The following LRRCC1 variants were observed in gnomAD, a reference collection of about 807,000 sequenced individuals.
LRRCC1 encodes leucine rich repeat and coiled-coil centrosomal protein 1, also known as leucine-rich repeat and coiled-coil domain-containing protein 1.
A neutral mutation model predicts 126.0 loss-of-function variants in LRRCC1; 115 were observed. The ratio of observed to expected loss-of-function variants is 0.91; its 90% CI spans 0.78 to 1.07. LRRCC1 has a LOEUF of 1.07. Among genes scored for constraint, LRRCC1 ranks in the 50% least tolerant of loss-of-function variants. The probability of loss-of-function intolerance (pLI) is 0.00; values close to 1 mark genes in which losing one functional copy is unlikely to be tolerated. For synonymous variants in LRRCC1, 400 were observed against 393.4 expected, an observed-to-expected ratio of 1.02 and a Z score of -0.20; for missense variants, 1,172 against 1,175.7, an observed-to-expected ratio of 1.00 and a Z score of 0.05.
At chr8:85,113,175 G>T in intron 4 of LRRCC1, 76 bp downstream of exon 4, 1 of 1,134,256 alleles carries the variant, frequency 8.8e-7, no homozygotes. Flanking sequence ...ATTGGCATTC[G>T]TGACCTCATT....
intron 12 of LRRCC1, 145 bp downstream of exon 12, chr8:85,132,106 T>G: frequency 1.5e-6 from 1 of 652,670 alleles, no homozygotes; most frequent in Non-Finnish European, 2.5e-6. Flanking sequence ...GGCCTTAGTT[T>G]CCTCAAATAA....
At position 85,113,109 on chromosome 8, in the gene LRRCC1, A is replaced by C. The variant is rs778924650; in HGVS notation, c.544+10A>C. ...GTCTGTCGACTGCCAGGTATGAATAATTAATTTAATATTTTTTCTAACAGT... is the reference window on the plus strand; with the variant it reads ...GTCTGTCGACTGCCAGGTATGAATACTTAATTTAATATTTTTTCTAACAGT... On this transcript the variant is annotated intron_variant, in intron 4 of 18. Coordinates refer to ENST00000360375, the MANE Select transcript of LRRCC1 (RefSeq NM_033402.5). 6.3e-7 allele frequency: 1 copy of C among 1,584,354 alleles called. No individual in the cohort carries two copies. The highest frequency in any genetic ancestry group is 8.6e-7 in the Non-Finnish European group (1 of 1,165,976).
intron 6 of LRRCC1, among the ~76,000 whole-genome samples, chr8:85,119,496 C>CT (rs542722001): frequency 0.059 from 8,001 of 135,860 alleles, 329 homozygotes; most frequent in Non-Finnish European, 0.081. Context: ...TTTTCTAGCA[C>CT]TTTTTTTTTT....
chr8:85,139,712 C>T (rs1811134406), intron 17 of LRRCC1, among the ~76,000 whole-genome samples: 1 of 152,162 alleles, frequency 6.6e-6, no homozygotes, highest in East Asian at 1.9e-4. Flanking sequence ...AAGTTGGAAC[C>T]TTCAGAATTA....
intron 1 of LRRCC1, 53 bp downstream of exon 1, chr8:85,107,452 C>A: frequency 6.9e-7 from 1 of 1,458,856 alleles, no homozygotes; most frequent in Non-Finnish European, 9.4e-7. Context: ...AGAGCCGGGG[C>A]CACGAGTGGC....
chr8:85,141,010 G>C (rs982520861), intron 17 of LRRCC1, among the ~76,000 whole-genome samples: 7 of 152,082 alleles, frequency 4.6e-5, no homozygotes, highest in Non-Finnish European at 8.8e-5. Flanking sequence ...AGGTTGCCTT[G>C]AGCCATGATC....
chr8:85,131,745 T>C lies in LRRCC1; in HGVS notation c.1767-15T>C. On this transcript the variant is annotated splice_polypyrimidine_tract_variant and intron_variant, in intron 11 of 18. Coordinates refer to ENST00000360375, the MANE Select transcript of LRRCC1 (RefSeq NM_033402.5). Reference sequence around the variant, plus strand: ...TGAGTATCATCCTTTTATCTTTATATGTTTTTCACTCCAGGAAGGAACTTG... The same window carrying C: ...TGAGTATCATCCTTTTATCTTTATACGTTTTTCACTCCAGGAAGGAACTTG... 6.3e-7 allele frequency: 1 copy of C among 1,593,356 alleles called. No individual in the cohort carries two copies. The highest frequency in any genetic ancestry group is 1.4e-5 in the African/African-American group (1 of 73,800).
Position 85,113,196 on chromosome 8 carries a change from G to A in LRRCC1, c.544+97G>A, listed in dbSNP as rs150378751. 130 of 853,176 alleles carry A rather than the reference G, an allele frequency of 1.5e-4. No individual in the cohort carries two copies. In the African/African-American group the frequency reaches 1.9e-3, roughly 12 times the overall value. 52.9% of individuals were successfully genotyped at this position (853,176 alleles called of 1,614,324 possible). Reference sequence around the variant, plus strand: ...ATTCGTGACCTCATTTTAGTCTTCAGCTTTGCAACATTTTCTATATTGGGG... The same window carrying A: ...ATTCGTGACCTCATTTTAGTCTTCAACTTTGCAACATTTTCTATATTGGGG... On this transcript the variant is annotated intron_variant, in intron 4 of 18. Transcript: ENST00000360375.
intron 2 of LRRCC1, 61 bp downstream of exon 2, chr8:85,109,861 TCCCC>T: frequency 2.3e-6 from 2 of 855,308 alleles, no homozygotes; most frequent in Non-Finnish European, 3.5e-6. Flanking sequence ...TCCATTTTTT[TCCCC>T]AAAAGAATGG....
rs765581097 is a variant in LRRCC1 at position 85,109,675 on chromosome 8, A to G, written c.185A>G (p.Asp62Gly). The G allele has an allele frequency of 3.1e-6, 5 of 1,610,944 alleles. No individual in the cohort carries two copies. The highest frequency in any genetic ancestry group is 1.1e-5 in the South Asian group (1 of 90,890). The change falls in exon 2 of 19, where the codon GAT becomes GGT. Residue 62 changes from aspartate (D) to glycine (G), a missense_variant. Transcript: ENST00000360375. ...CNNISKIEAI[D>G]HIWNLQHLDL... Reference sequence around the variant, plus strand: ...AACATCTCCAAGATCGAAGCCATTGATCATATTTGGAATTTACAACATCTA... The same window carrying G: ...AACATCTCCAAGATCGAAGCCATTGGTCATATTTGGAATTTACAACATCTA...
intron 15 of LRRCC1, 145 bp downstream of exon 15, chr8:85,137,772 G>T: frequency 1.7e-6 from 1 of 577,428 alleles, no homozygotes; most frequent in African/African-American, 1.9e-5. Context: ...TATAATATTT[G>T]CCCTTTTGCT....
intron 13 of LRRCC1, among the ~76,000 whole-genome samples, chr8:85,135,333 T>C (rs1810774682): frequency 6.6e-6 from 1 of 152,192 alleles, no homozygotes; most frequent in African/African-American, 2.4e-5. Context: ...GGTTAAAGTT[T>C]GGGAAGCACC....
At chr8:85,127,788 T>C (rs1019181712) in intron 9 of LRRCC1, among the ~76,000 whole-genome samples, 5 of 152,202 alleles carry the variant, frequency 3.3e-5, no homozygotes, top group African/African-American at 1.2e-4. Flanking sequence ...CTGTGATGCG[T>C]TATGTTATCA....
rs765560017 is a variant in LRRCC1 at position 85,135,048 on chromosome 8, A to G, written c.2154+16A>G. On this transcript the variant is annotated intron_variant, in intron 13 of 18. Transcript: ENST00000360375. ...AAATTTACAGGTAAGACTTTGCAAC[A>G]TTATATGTTTTAAAATTTTTTTACA... 8.3e-6 allele frequency: 12 copies of G among 1,446,318 alleles called. No individual in the cohort carries two copies. The highest frequency in any genetic ancestry group is 1.7e-5 in the South Asian group (1 of 60,016). 89.6% of individuals were successfully genotyped at this position (1,446,318 alleles called of 1,614,324 possible).
intron 11 of LRRCC1, among the ~76,000 whole-genome samples, chr8:85,131,493 A>G (rs916412983): frequency 6.6e-6 from 1 of 152,210 alleles, no homozygotes; most frequent in Non-Finnish European, 1.5e-5. Context: ...CATCTGAAGA[A>G]TTTCTGAAGC....
chr8:85,130,134 T>C, intron 11 of LRRCC1, 76 bp downstream of exon 11: 1 of 1,032,958 alleles, frequency 9.7e-7, no homozygotes, highest in Non-Finnish European at 1.3e-6. Context: ...CCACTACCAG[T>C]ATTTTTTTTT....
intron 7 of LRRCC1, among the ~76,000 whole-genome samples, chr8:85,124,010 G>A (rs1430941366): frequency 1.3e-5 from 2 of 152,066 alleles, no homozygotes; most frequent in Non-Finnish European, 2.9e-5. Flanking sequence ...GAGTCTACAT[G>A]ACTAGCCTTT....
At chr8:85,135,123 C>A in intron 13 of LRRCC1, 91 bp downstream of exon 13, 1 of 873,322 alleles carries the variant, frequency 1.1e-6, no homozygotes, top group Non-Finnish European at 1.7e-6. Context: ...ACGAAAGGAA[C>A]TTTTAAATGA....
chr8:85,132,021 G>A (rs1172920605), intron 12 of LRRCC1, 60 bp downstream of exon 12: 47 of 1,397,038 alleles, frequency 3.4e-5, no homozygotes, highest in Non-Finnish European at 4.4e-5. Context: ...GGTTTGATGA[G>A]AGGACTTGTT....
Sources: gnomAD v4.1 joint callset for allele counts (sites outside exome capture counted in the v4.1 genomes callset) on GRCh38, gnomAD v4.1.1 for gene constraint, MANE v1.5 for transcripts, NCBI Gene and HGNC (gene_info 2026-07-23, HGNC 2026-07-21) for gene names.